Variants in SUPT3H observed in about 807,000 individuals in gnomAD.
SUPT3H encodes transcription initiation protein SPT3 homolog.
A neutral mutation model predicts 44.3 loss-of-function variants in SUPT3H; 44 were observed. The observed-to-expected ratio is 0.99, with a 90% CI of 0.78 to 1.28. SUPT3H has a LOEUF of 1.28. Among genes scored for constraint, SUPT3H ranks in the 50% most tolerant of loss-of-function variants. The pLI is 0.00. For missense variants in SUPT3H, 380 were observed against 387.1 expected (o/e 0.98, Z 0.15); for synonymous variants, 124 against 125.6 (o/e 0.99, Z 0.09).
chr6:45,173,758 T>C (rs1447955689), intron 2 of SUPT3H, among the ~76,000 whole-genome samples: 1 of 152,218 alleles, frequency 6.6e-6, no homozygotes. Flanking sequence ...AAGAGATAGA[T>C]GCTGCAGAGG....
At chr6:45,065,732 C>A (rs1473066821) in intron 3 of SUPT3H, among the ~76,000 whole-genome samples, 3 of 151,596 alleles carry the variant, frequency 2.0e-5, no homozygotes, top group Non-Finnish European at 4.4e-5. Flanking sequence ...AATTCCTCAA[C>A]ACATACACTC....
At chr6:45,076,784 T>G (rs1795057821) in intron 3 of SUPT3H, among the ~76,000 whole-genome samples, 1 of 152,150 alleles carries the variant, frequency 6.6e-6, no homozygotes, top group South Asian at 2.1e-4. Context: ...CAACCTATTG[T>G]CAAGCCCTGG....
intron 2 of SUPT3H, among the ~76,000 whole-genome samples, chr6:45,298,847 C>T (rs1781691204): frequency 6.6e-6 from 1 of 152,028 alleles, no homozygotes; most frequent in African/African-American, 2.4e-5. Flanking sequence ...CTTTTAAGTT[C>T]CTGTCAACTT....
chr6:45,254,074 C>A (rs1488624362), intron 2 of SUPT3H, among the ~76,000 whole-genome samples: 1 of 151,764 alleles, frequency 6.6e-6, no homozygotes, highest in Non-Finnish European at 1.5e-5. Flanking sequence ...TATTTTATAT[C>A]TTTAAATGAG....
chr6:45,011,065 C>T (rs996468443), intron 5 of SUPT3H, among the ~76,000 whole-genome samples: 7 of 152,008 alleles, frequency 4.6e-5, no homozygotes, highest in Non-Finnish European at 1.0e-4. Flanking sequence ...TATGACAAAT[C>T]CCATTTGGTC....
chr6:45,222,543 A>G (rs931378123), intron 2 of SUPT3H, among the ~76,000 whole-genome samples: 2 of 152,168 alleles, frequency 1.3e-5, no homozygotes, highest in African/African-American at 4.8e-5. Context: ...TGACAACAAC[A>G]AAGACTGATA....
At chr6:45,165,372 C>T (rs966665572) in intron 2 of SUPT3H, among the ~76,000 whole-genome samples, 1 of 152,178 alleles carries the variant, frequency 6.6e-6, no homozygotes, top group Non-Finnish European at 1.5e-5. Flanking sequence ...ACTCAGTTAG[C>T]AGAAGAAATG....
chr6:44,905,075 A>C (rs1765769875), intron 10 of SUPT3H, among the ~76,000 whole-genome samples: 2 of 152,120 alleles, frequency 1.3e-5, no homozygotes, highest in Admixed American at 6.5e-5. Context: ...CCCTAGAAGA[A>C]AACCTAGGCA....
intron 10 of SUPT3H, among the ~76,000 whole-genome samples, chr6:44,845,460 T>A (rs1771701761): frequency 6.6e-6 from 1 of 152,098 alleles, no homozygotes; most frequent in African/African-American, 2.4e-5. Context: ...TTGGTACTGG[T>A]ATGGAAGAGG....
chr6:44,954,110 C>A (rs1287780368), intron 8 of SUPT3H, among the ~76,000 whole-genome samples: 3 of 152,160 alleles, frequency 2.0e-5, no homozygotes, highest in Non-Finnish European at 4.4e-5. Flanking sequence ...TTGAGAAAGT[C>A]TTTTAGAGGG....
At chr6:45,139,876 T>C (rs1033352352) in intron 2 of SUPT3H, among the ~76,000 whole-genome samples, 2 of 152,100 alleles carry the variant, frequency 1.3e-5, no homozygotes, top group African/African-American at 2.4e-5. Context: ...TAATTTTGAC[T>C]GGGCACAAAT....
intron 11 of SUPT3H, among the ~76,000 whole-genome samples, chr6:44,818,938 C>T (rs192358824): frequency 1.3e-5 from 2 of 152,298 alleles, no homozygotes; most frequent in South Asian, 2.1e-4. Context: ...TAAATATTCA[C>T]TTACCATGAG....
intron 2 of SUPT3H, among the ~76,000 whole-genome samples, chr6:45,172,462 T>C (rs1810973495): frequency 6.6e-6 from 1 of 152,144 alleles, no homozygotes; most frequent in South Asian, 2.1e-4. Flanking sequence ...GTAAACTCTT[T>C]GAATCCAGGG....
chr6:44,881,240 C>T (rs1778170794), intron 10 of SUPT3H, among the ~76,000 whole-genome samples: 1 of 151,524 alleles, frequency 6.6e-6, no homozygotes, highest in East Asian at 1.9e-4. Context: ...GGGTTGCAAT[C>T]CTAGTTTGAT....
chr6:45,158,365 T>A (rs1449715955), intron 2 of SUPT3H, among the ~76,000 whole-genome samples: 1 of 142,762 alleles, frequency 7.0e-6, no homozygotes, highest in Non-Finnish European at 1.5e-5. Context: ...AGTGGCACTA[T>A]CTCGGCTCAC....
intron 2 of SUPT3H, among the ~76,000 whole-genome samples, chr6:45,344,436 GTTTT>G (rs146401592): frequency 1.4e-5 from 2 of 147,542 alleles, no homozygotes; most frequent in African/African-American, 5.0e-5. Flanking sequence ...TTCTCTGATG[GTTTT>G]TTTTTTCATT....
At chr6:45,209,683 T>C (rs1026143576) in intron 2 of SUPT3H, among the ~76,000 whole-genome samples, 9 of 152,202 alleles carry the variant, frequency 5.9e-5, no homozygotes, top group Non-Finnish European at 1.2e-4. Context: ...CTACAAATAA[T>C]TTAGAATATT....
chr6:45,058,632 C>A (rs553735269), intron 3 of SUPT3H, among the ~76,000 whole-genome samples: 17 of 152,204 alleles, frequency 1.1e-4, no homozygotes, highest in African/African-American at 3.9e-4. Context: ...CCAACCCTTC[C>A]TACTAAAAGG....
intron 9 of SUPT3H, among the ~76,000 whole-genome samples, chr6:44,949,955 A>G (rs1774023783): frequency 6.6e-6 from 1 of 152,216 alleles, no homozygotes; most frequent in South Asian, 2.1e-4. Context: ...GAAAAACAAA[A>G]GCATTTGTCC....
Sources: allele counts gnomAD v4.1 joint callset (sites outside exome capture counted in the v4.1 genomes callset), GRCh38; gene constraint gnomAD v4.1.1; transcripts MANE v1.5; gene names NCBI Gene and HGNC (gene_info 2026-07-23, HGNC 2026-07-21).